The following CYP24A1 variants were observed in gnomAD, a reference collection of about 807,000 sequenced individuals.
CYP24A1 encodes cytochrome P450 family 24 subfamily A member 1.
Under a neutral mutation model 62.4 loss-of-function variants are expected in CYP24A1, and 68 were observed. The ratio of observed to expected loss-of-function variants is 1.09; its 90% confidence interval spans 0.90 to 1.33. The LOEUF (loss-of-function observed/expected upper bound fraction) is 1.33, where lower values mean the gene tolerates loss of function less well. Ranked by LOEUF, CYP24A1 falls within the 40% of genes most tolerant of loss-of-function variation. The pLI is 0.00. For synonymous variants in CYP24A1, 267 were observed against 253.0 expected, an observed-to-expected ratio of 1.06 and a Z score of -0.52; for missense variants, 787 against 653.0, an observed-to-expected ratio of 1.21 and a Z score of -2.24.
chr20:54,171,017 C>G (rs1045319518), intron 3 of CYP24A1, among the ~76,000 whole-genome samples: 9 of 152,226 alleles, frequency 5.9e-5, no homozygotes, highest in African/African-American at 2.2e-4. Context: ...ATCAGCTACA[C>G]TAAATGACCG....
intron 8 of CYP24A1, 145 bp downstream of exon 8, chr20:54,158,812 A>G: frequency 7.1e-7 from 1 of 1,417,590 alleles, no homozygotes; most frequent in Admixed American, 2.3e-5. Context: ...CCAGAAAAGA[A>G]ATATGGCTCC....
the CYP24A1 span, among the ~76,000 whole-genome samples, chr20:54,144,946 C>T: frequency 6.6e-6 from 1 of 151,974 alleles, no homozygotes; most frequent in Non-Finnish European, 1.5e-5. Flanking sequence ...TTCATTGGAC[C>T]TGCCAAAATA....
chr20:54,167,535 G>C (rs2092676353), intron 4 of CYP24A1, among the ~76,000 whole-genome samples: 2 of 152,164 alleles, frequency 1.3e-5, no homozygotes, highest in African/African-American at 4.8e-5. Context: ...ACTTTGGGAG[G>C]CTGAGGTAAG....
intron 7 of CYP24A1, among the ~76,000 whole-genome samples, chr20:54,160,948 A>G (rs2092648155): frequency 6.6e-6 from 1 of 152,222 alleles, no homozygotes; most frequent in South Asian, 2.1e-4. Context: ...AAGCTCATTG[A>G]CTGGCCTGCT....
rs59262760 is a variant in CYP24A1 at position 54,172,878 on chromosome 20, C to T, written c.449+31G>A. Reference sequence around the variant, plus strand: ...CGCCGTCAGGCTCATCAGGTCTGGCCGCATGCCCAGGTCCCTCGGATTGGA... The same window carrying T: ...CGCCGTCAGGCTCATCAGGTCTGGCTGCATGCCCAGGTCCCTCGGATTGGA... On this transcript the variant is annotated intron_variant, in intron 2 of 11. Coordinates refer to ENST00000216862, the MANE Select transcript of CYP24A1 (RefSeq NM_000782.5). 20,069 of 1,612,954 alleles carry T rather than the reference C, an allele frequency of 0.012. 1,847 individuals carry two copies. The African/African-American group carries it at 0.22, about 18-fold the overall frequency.
intron 3 of CYP24A1, 109 bp from the exon 4 acceptor site, chr20:54,169,797 G>T: frequency 6.4e-7 from 1 of 1,555,212 alleles, no homozygotes; most frequent in Non-Finnish European, 8.7e-7. Flanking sequence ...ATATTCACTG[G>T]CCATAATGTT....
the CYP24A1 span, among the ~76,000 whole-genome samples, chr20:54,146,730 G>A: frequency 1.3e-5 from 2 of 152,098 alleles, no homozygotes; most frequent in African/African-American, 2.4e-5. Flanking sequence ...AACAGATTCG[G>A]GAGGAGAAAG....
At chr20:54,151,723 C>T (rs995791796), downstream of CYP24A1, among the ~76,000 whole-genome samples, 1 of 151,864 alleles carries the variant, frequency 6.6e-6, no homozygotes, top group Non-Finnish European at 1.5e-5. Flanking sequence ...CCACCACGCC[C>T]AGCTAATTTT....
intron 3 of CYP24A1, 119 bp from the exon 4 acceptor site, chr20:54,169,807 T>C (rs2092687985): frequency 6.5e-7 from 1 of 1,543,212 alleles, no homozygotes; most frequent in South Asian, 1.2e-5. Flanking sequence ...GCCATAATGT[T>C]ATTCATCCTG....
At chr20:54,155,044 A>C (rs1458358916) in intron 11 of CYP24A1, 2 of 151,996 alleles carry the variant, frequency 1.3e-5, no homozygotes, top group East Asian at 3.9e-4. Context: ...TTAGCCAAAG[A>C]AAAAATGCTA....
downstream of CYP24A1, among the ~76,000 whole-genome samples, chr20:54,151,259 C>T (rs1369845573): frequency 6.6e-6 from 1 of 152,112 alleles, no homozygotes; most frequent in Admixed American, 6.5e-5. Context: ...CCTGATGTTG[C>T]CATGGCATTT....
Position 54,157,820 on chromosome 20 carries a change from C to T in CYP24A1, c.1237-235G>A, listed in dbSNP as rs138369061. Among the ~76,000 whole-genome samples, 129 of 152,332 alleles carry T rather than the reference C, an allele frequency of 8.5e-4. 2 individuals are homozygous for T. The highest frequency in any genetic ancestry group is 1.1e-3 in the Non-Finnish European group (75 of 68,024). On this transcript the variant is annotated intron_variant, in intron 9 of 11. Coordinates refer to ENST00000216862, the MANE Select transcript of CYP24A1 (RefSeq NM_000782.5). ...CTGCGCAGCAGATTCTGTTATTAAA[C>T]CCCTTTTACAGACGAAGTTGAGGCT...
In CYP24A1 at chr20:54,157,583, T is replaced by C. The variant is rs762355258; in HGVS notation, c.1239A>G (p.Thr413=). The C allele has an allele frequency of 1.3e-6, 2 of 1,541,712 alleles. No individual in the cohort carries two copies. The highest frequency in any genetic ancestry group is 1.1e-5 in the South Asian group (1 of 89,536). The change falls in exon 10 of 12, where the codon ACA becomes ACG. Residue 413 remains threonine (T), a splice_region_variant and synonymous_variant. Transcript: ENST00000216862. ...VLGEYALPKG[T]VLMLNTQVLG... ...ACACCTGGGTATTTAGCATGAGCAC[T>C]GTCTAAACACATGCAGAGACACATA...
chr20:54,166,757 C>T (rs1035583174), intron 4 of CYP24A1, among the ~76,000 whole-genome samples: 37 of 151,900 alleles, frequency 2.4e-4, no homozygotes, highest in African/African-American at 8.7e-4. Context: ...CAGGGCCGAG[C>T]GTGGTGGTTC....
intron 3 of CYP24A1, 26 bp downstream of exon 3, chr20:54,171,551 A>G: frequency 1.2e-6 from 2 of 1,613,906 alleles, no homozygotes; most frequent in Non-Finnish European, 1.7e-6. Flanking sequence ...CACGAGCCCC[A>G]GGAAAGCTGG....
Position 54,159,101 on chromosome 20 carries a change from A to T in CYP24A1, c.1013T>A (p.Ile338Asn). ...GGGATTACGGGATAAATTGTAGAGA[A>T]TCCACATTAGACTGTTTGCTGTCTG... ...VETTANSLMWILYNLSRNPQV... is the reference protein window; with the variant it reads ...VETTANSLMWNLYNLSRNPQV... The change falls in exon 8 of 12, where the codon ATT (isoleucine) becomes AAT (asparagine). Residue 338 changes from isoleucine (I) to asparagine (N), a missense_variant. Ile to Asn is a moderately radical substitution (Grantham distance 149). Transcript: ENST00000216862. 6.2e-7 allele frequency: 1 copy of T among 1,614,002 alleles called. No homozygotes were observed. Among genetic ancestry groups the T allele is most frequent in the South Asian group, 1.1e-5 (1 of 91,074 alleles).
downstream of CYP24A1, among the ~76,000 whole-genome samples, chr20:54,150,633 C>T (rs1223148972): frequency 6.6e-6 from 1 of 152,100 alleles, no homozygotes; most frequent in East Asian, 1.9e-4. Context: ...GCCAAAAAAC[C>T]CCTAGATTTT....
At position 54,173,081 on chromosome 20, in the gene CYP24A1, A is replaced by C. The variant is rs1444103295; in HGVS notation, c.277T>G (p.Tyr93Asp). 6.2e-7 allele frequency: 1 copy of C among 1,603,968 alleles called. No homozygotes were observed. The highest frequency in any genetic ancestry group is 2.2e-5 in the East Asian group (1 of 44,864). The change falls in exon 2 of 12, where the codon TAT (tyrosine) becomes GAT (aspartate). Residue 93 changes from tyrosine (Y) to aspartate (D), a missense_variant. By Grantham distance (160) the Tyr-to-Asp change is radical (BLOSUM62 -3). Coordinates refer to ENST00000216862, the MANE Select transcript of CYP24A1 (RefSeq NM_000782.5). This position sits in a 1 kb window ranked among gnomAD's most constrained non-coding sequence, Gnocchi z 7.2. The stretch of plus-strand genomic sequence containing the variant: ...AACTTCATGCGGAAAATCTTGCCAT[A>C]CTTCTTGTGGTACTCCACCTGCAGC... The part of the protein sequence containing the change: ...HDTLVEYHKK[Y>D]GKIFRMKLGS...
At chr20:54,158,285 T>C (rs1266452540) in intron 8 of CYP24A1, 121 bp from the exon 9 acceptor site, 2 of 1,536,934 alleles carry the variant, frequency 1.3e-6, no homozygotes, top group Non-Finnish European at 1.8e-6. Flanking sequence ...AGAGGCAGCA[T>C]GATCACAGAT....
Sources: gnomAD v4.1 joint callset for allele counts (sites outside exome capture counted in the v4.1 genomes callset) on GRCh38, gnomAD v4.1.1 for gene constraint, Gnocchi (gnomAD v3.1) non-coding constraint, MANE v1.5 for transcripts, NCBI Gene and HGNC (gene_info 2026-07-23, HGNC 2026-07-21) for gene names.